The following ATP13A3 variants were observed in gnomAD, a reference collection of about 807,000 sequenced individuals.
The protein encoded by ATP13A3 is ATPase 13A3.
In ATP13A3, 59 loss-of-function variants were observed where a neutral mutation model predicts 158.1. The observed-to-expected ratio is 0.37, with a 90% CI of 0.30 to 0.46. The LOEUF is 0.46. Ranked by LOEUF, ATP13A3 falls within the 20% of genes least tolerant of loss-of-function variation. The pLI is 1.00. For missense variants in ATP13A3, 1,166 were observed against 1,525.2 expected, an observed-to-expected ratio of 0.76 and a Z score of 3.92; for synonymous variants, 491 against 504.3, an observed-to-expected ratio of 0.97 and a Z score of 0.35.
At chr3:194,413,437 C>T (rs1201113049) in intron 32 of ATP13A3, among the ~76,000 whole-genome samples, 2 of 152,198 alleles carry the variant, frequency 1.3e-5, no homozygotes, top group Non-Finnish European at 1.5e-5. Context: ...CACATGCCAA[C>T]TCTGATTTCA....
chr3:194,469,522 C>T (rs970490215), intron 2 of ATP13A3, among the ~76,000 whole-genome samples: 1 of 152,102 alleles, frequency 6.6e-6, no homozygotes, highest in Non-Finnish European at 1.5e-5. Flanking sequence ...AACTGAATTT[C>T]TCAATGGTGT....
chr3:194,439,770 A>T (rs990089388), intron 16 of ATP13A3, among the ~76,000 whole-genome samples: 2 of 152,206 alleles, frequency 1.3e-5, no homozygotes, highest in African/African-American at 4.8e-5. Flanking sequence ...CTCTGGTGGG[A>T]TCAAGCATCA....
At chr3:194,411,817 T>C (rs900203568) in intron 33 of ATP13A3, among the ~76,000 whole-genome samples, 2 of 152,210 alleles carry the variant, frequency 1.3e-5, no homozygotes, top group African/African-American at 4.8e-5. Flanking sequence ...ACTTTGTTTA[T>C]ATAAATCTCA....
intron 2 of ATP13A3, among the ~76,000 whole-genome samples, chr3:194,465,505 T>C (rs1419787414): frequency 1.3e-5 from 2 of 152,174 alleles, no homozygotes; most frequent in African/African-American, 4.8e-5. Context: ...CTGGGAATCG[T>C]ACCCATTTTT....
chr3:194,416,176 T>C (rs1452987497), intron 31 of ATP13A3, among the ~76,000 whole-genome samples: 2 of 152,190 alleles, frequency 1.3e-5, no homozygotes, highest in African/African-American at 4.8e-5. Context: ...AAGCATTAGA[T>C]TGGCTGGGCA....
chr3:194,450,498 G>A (rs1354571632), intron 10 of ATP13A3: 11 of 484,746 alleles, frequency 2.3e-5, no homozygotes, highest in South Asian at 1.5e-4. Flanking sequence ...GCTGTGCACC[G>A]GTGATGCCAA....
intron 2 of ATP13A3, among the ~76,000 whole-genome samples, chr3:194,473,498 AC>A (rs1436129894): frequency 6.6e-6 from 1 of 151,756 alleles, no homozygotes; most frequent in African/African-American, 2.4e-5. Context: ...AAAAAAAAAA[AC>A]CTGACAAGGA....
intron 10 of ATP13A3, among the ~76,000 whole-genome samples, chr3:194,453,477 T>C (rs1718969797): frequency 6.6e-6 from 1 of 151,554 alleles, no homozygotes; most frequent in Admixed American, 6.6e-5. Context: ...CATGCACCTG[T>C]AGTCCCAGCT....
At chr3:194,447,201 C>A in intron 13 of ATP13A3, 86 bp from the exon 14 acceptor site, 1 of 1,153,624 alleles carries the variant, frequency 8.7e-7, no homozygotes. Flanking sequence ...AATCTGTAAG[C>A]CATTTTCAAT....
At chr3:194,432,009 A>C in intron 21 of ATP13A3, 117 bp from the exon 22 acceptor site, 1 of 802,764 alleles carries the variant, frequency 1.2e-6, no homozygotes, top group Non-Finnish European at 1.7e-6. Flanking sequence ...GAGTAACGAT[A>C]ATGTATGGTT....
In ATP13A3 at chr3:194,441,570, A is replaced by G. The variant is rs959063405; in HGVS notation, c.1560-109T>C. On this transcript the variant is annotated intron_variant, in intron 15 of 33. Coordinates refer to ENST00000645319, the MANE Select transcript of ATP13A3 (RefSeq NM_001367549.1). Reference sequence around the variant, plus strand: ...TAAAAAAAAAATCTTTTAAATCCCAATCTGAGCTCCTAAGAAAGAGAAACT... The same window carrying G: ...TAAAAAAAAAATCTTTTAAATCCCAGTCTGAGCTCCTAAGAAAGAGAAACT... The G allele has an allele frequency of 2.0e-5, 19 of 965,092 alleles. 1 individual carries two copies. In the South Asian group the frequency reaches 2.4e-4, roughly 12 times the overall value. 59.8% of individuals were successfully genotyped at this position (965,092 alleles called of 1,614,324 possible). A position where few individuals can be genotyped will look rare whatever the true frequency, so the allele number is the denominator to read the frequency against.
At position 194,448,644 on chromosome 3, in the gene ATP13A3, A is replaced by C. The variant is rs542094956; in HGVS notation, c.971-8T>G. On this transcript the variant is annotated splice_region_variant and splice_polypyrimidine_tract_variant and intron_variant, in intron 11 of 33. Transcript: ENST00000645319. This position sits in a 1 kb window ranked among gnomAD's most constrained non-coding sequence, Gnocchi z 4.0. ...TCACTGGAACACTTTCTCCTTTAAA[A>C]AACAACAACAACAACAAAAACAGTT... is the stretch of plus-strand genomic sequence containing the variant. 1 of 1,603,746 alleles carries C rather than the reference A, an allele frequency of 6.2e-7. No homozygotes were observed. Among genetic ancestry groups the C allele is most frequent in the East Asian group, 2.2e-5 (1 of 44,772 alleles).
chr3:194,427,799 AAAT>A (rs1183089102), intron 28 of ATP13A3, among the ~76,000 whole-genome samples: 2 of 152,144 alleles, frequency 1.3e-5, no homozygotes, highest in African/African-American at 4.8e-5. Flanking sequence ...ACTACAGTTA[AAAT>A]AATACACACT....
chr3:194,433,232 CTT>C (rs71637136), intron 21 of ATP13A3, among the ~76,000 whole-genome samples: 2 of 113,656 alleles, frequency 1.8e-5, no homozygotes, highest in African/African-American at 7.0e-5. Flanking sequence ...TTTTACTATT[CTT>C]TTTTTTTTTT....
intron 15 of ATP13A3, among the ~76,000 whole-genome samples, chr3:194,443,011 C>A (rs1718153438): frequency 6.6e-6 from 1 of 150,592 alleles, no homozygotes; most frequent in African/African-American, 2.4e-5. Context: ...TTCTTTATTC[C>A]TTTACTTTCT....
upstream of ATP13A3, chr3:194,487,790 C>T (rs1721068397): frequency 6.6e-6 from 1 of 152,328 alleles, no homozygotes; most frequent in Non-Finnish European, 1.5e-5. Context: ...CGCCTGGGGC[C>T]ACCTGGCCTG....
intron 6 of ATP13A3, among the ~76,000 whole-genome samples, chr3:194,457,928 G>C (rs1719351041): frequency 6.6e-6 from 1 of 151,838 alleles, no homozygotes; most frequent in Non-Finnish European, 1.5e-5. Flanking sequence ...TAGGAGTACA[G>C]GCACACACCA....
chr3:194,481,863 G>A (rs1720765403), intron 2 of ATP13A3, among the ~76,000 whole-genome samples: 1 of 152,224 alleles, frequency 6.6e-6, no homozygotes, highest in South Asian at 2.1e-4. Flanking sequence ...TCCACAGGGA[G>A]TAAGTGTAAG....
At chr3:194,435,862 G>A (rs912474893) in intron 20 of ATP13A3, among the ~76,000 whole-genome samples, 4 of 152,090 alleles carry the variant, frequency 2.6e-5, no homozygotes, top group Admixed American at 2.0e-4. Flanking sequence ...AACTGACATC[G>A]TGCCACTGCA....
Sources: gnomAD v4.1 joint callset for allele counts (sites outside exome capture counted in the v4.1 genomes callset) on GRCh38, gnomAD v4.1.1 for gene constraint, Gnocchi (gnomAD v3.1) non-coding constraint, MANE v1.5 for transcripts, NCBI Gene and HGNC (gene_info 2026-07-23, HGNC 2026-07-21) for gene names.